Variants in RUNDC3B observed in about 807,000 individuals in gnomAD.
RUNDC3B encodes RUN domain containing 3B.
A neutral mutation model predicts 58.4 loss-of-function variants in RUNDC3B; 33 were observed. The observed-to-expected ratio is 0.56, with a 90% CI of 0.43 to 0.75. The LOEUF (loss-of-function observed/expected upper bound fraction) is 0.75, where lower values mean the gene tolerates loss of function less well. RUNDC3B is among the 30% of genes least tolerant of loss of function. The pLI is 0.00. For synonymous variants in RUNDC3B, 193 were observed against 195.2 expected, an observed-to-expected ratio of 0.99 and a Z score of 0.10; for missense variants, 501 against 535.7, an observed-to-expected ratio of 0.94 and a Z score of 0.64.
chr7:87,710,192 T>C (rs1829944465), intron 3 of RUNDC3B, among the ~76,000 whole-genome samples: 1 of 152,166 alleles, frequency 6.6e-6, no homozygotes, highest in African/African-American at 2.4e-5. Context: ...GAGAACTCTG[T>C]TTTTCATGAT....
rs551631238 is a variant in RUNDC3B at position 87,795,723 on chromosome 7, C to CAAAA, written c.957-11636_957-11633dup. ...GGAAACCCCGTCTCTACTAAAAATA[C>CAAAA]AAAAAAAAAAAAAAAAATAGCCAGG... is the stretch of plus-strand genomic sequence containing the variant. On this transcript the variant is annotated intron_variant, in intron 8 of 10. Transcript: ENST00000394654. 2.9e-3 allele frequency among the ~76,000 whole-genome samples: 332 copies of CAAAA among 113,352 alleles called. 2 individuals carry two copies. Among genetic ancestry groups the CAAAA allele is most frequent in the African/African-American group, 8.9e-3 (278 of 31,380 alleles). 74.4% of individuals were successfully genotyped at this position (113,352 alleles called of 152,430 possible).
chr7:87,709,569 T>A, intron 3 of RUNDC3B: 1 of 956,154 alleles, frequency 1.0e-6, no homozygotes, highest in Non-Finnish European at 1.2e-6. Context: ...CCAGTAGTAC[T>A]GCTGCTTCTA....
At chr7:87,819,919 C>T (rs895640835) in intron 10 of RUNDC3B, among the ~76,000 whole-genome samples, 1 of 151,632 alleles carries the variant, frequency 6.6e-6, no homozygotes, top group Admixed American at 6.6e-5. Context: ...GCACTAAATG[C>T]CCACAAGAGA....
chr7:87,761,104 C>T (rs921388285), intron 6 of RUNDC3B, among the ~76,000 whole-genome samples: 2 of 151,822 alleles, frequency 1.3e-5, no homozygotes, highest in African/African-American at 4.8e-5. Flanking sequence ...ATTTAGAATA[C>T]ATAAAGAACT....
intron 2 of RUNDC3B, among the ~76,000 whole-genome samples, chr7:87,652,600 C>G (rs1823681802): frequency 7.5e-6 from 1 of 133,028 alleles, no homozygotes; most frequent in East Asian, 2.2e-4. Flanking sequence ...AAATTTCTGT[C>G]AGTTGACTCT....
chr7:87,815,926 C>G (rs1354593984), intron 9 of RUNDC3B, among the ~76,000 whole-genome samples: 1 of 151,232 alleles, frequency 6.6e-6, no homozygotes, highest in African/African-American at 2.4e-5. Context: ...TTTTTTTTTC[C>G]TGTTTTCCAA....
intron 1 of RUNDC3B, among the ~76,000 whole-genome samples, chr7:87,630,572 A>G (rs1483196584): frequency 6.6e-6 from 1 of 152,188 alleles, no homozygotes; most frequent in African/African-American, 2.4e-5. Flanking sequence ...TGCTTTAAAA[A>G]TAAGGGTAGT....
chr7:87,768,657 G>T (rs1048628504), intron 6 of RUNDC3B, among the ~76,000 whole-genome samples: 3 of 152,194 alleles, frequency 2.0e-5, no homozygotes, highest in African/African-American at 7.2e-5. Flanking sequence ...TTGGTGAGGG[G>T]TGCAAAGAAA....
intron 6 of RUNDC3B, among the ~76,000 whole-genome samples, chr7:87,742,356 C>T (rs1400419167): frequency 6.6e-6 from 1 of 152,114 alleles, no homozygotes; most frequent in Non-Finnish European, 1.5e-5. Flanking sequence ...CCCTCACCCC[C>T]TCCCACTCTT....
rs376905411 is a variant in RUNDC3B at position 87,628,949 on chromosome 7, C to G, written c.122+4C>G. 1 of 1,309,254 alleles carries G rather than the reference C, an allele frequency of 7.6e-7. No individual in the cohort carries two copies. The highest frequency in any genetic ancestry group is 9.8e-7 in the Non-Finnish European group (1 of 1,020,282). The allele number at this position is 1,309,254 out of a possible 1,614,324, so 81.1% of individuals were successfully genotyped here. On this transcript the variant is annotated splice_donor_region_variant and intron_variant, in intron 1 of 10. Coordinates refer to ENST00000394654, the MANE Select transcript of RUNDC3B (RefSeq NM_001134405.2). ...GGAACCTGATCACCGTGTGCAGGTA[C>G]GGCAGCGCAGGGCGAGGGGAACCAG... is the stretch of plus-strand genomic sequence containing the variant.
At chr7:87,724,500 T>G (rs2130781180) in intron 4 of RUNDC3B, among the ~76,000 whole-genome samples, 1 of 152,274 alleles carries the variant, frequency 6.6e-6, no homozygotes, top group South Asian at 2.1e-4. Context: ...AACCAGAATT[T>G]TCAAGATAAA....
chr7:87,749,835 A>G (rs1045485272), intron 6 of RUNDC3B, among the ~76,000 whole-genome samples: 3 of 151,928 alleles, frequency 2.0e-5, no homozygotes, highest in East Asian at 1.9e-4. Context: ...AGCTTTTTCT[A>G]TGCATAGATA....
At chr7:87,635,544 G>A (rs191061529) in intron 1 of RUNDC3B, among the ~76,000 whole-genome samples, 3 of 152,178 alleles carry the variant, frequency 2.0e-5, no homozygotes, top group East Asian at 1.9e-4. Flanking sequence ...CAACCACTAC[G>A]AGATATGTAG....
chr7:87,662,653 T>C (rs992998212), intron 2 of RUNDC3B, among the ~76,000 whole-genome samples: 1 of 152,166 alleles, frequency 6.6e-6, no homozygotes, highest in African/African-American at 2.4e-5. Flanking sequence ...TTGATTACAA[T>C]AGCCCTGTAG....
At chr7:87,747,880 G>A (rs922357885) in intron 6 of RUNDC3B, among the ~76,000 whole-genome samples, 1 of 152,166 alleles carries the variant, frequency 6.6e-6, no homozygotes, top group Admixed American at 6.5e-5. Flanking sequence ...GGTGAGACAG[G>A]CTTGAAAACC....
At chr7:87,672,545 T>C (rs971795811) in intron 2 of RUNDC3B, among the ~76,000 whole-genome samples, 3 of 152,204 alleles carry the variant, frequency 2.0e-5, no homozygotes, top group Non-Finnish European at 4.4e-5. Context: ...CCAAGGGGTA[T>C]GTACAGGGGT....
intron 2 of RUNDC3B, among the ~76,000 whole-genome samples, chr7:87,688,223 A>T (rs561557119): frequency 1.4e-3 from 214 of 152,254 alleles, no homozygotes; most frequent in Admixed American, 2.4e-3. Context: ...ATCCGGGGTT[A>T]TGTATACCTT....
At chr7:87,725,247 C>T (rs1831149882) in intron 4 of RUNDC3B, among the ~76,000 whole-genome samples, 1 of 152,178 alleles carries the variant, frequency 6.6e-6, no homozygotes, top group Non-Finnish European at 1.5e-5. Flanking sequence ...CCACTCCCCG[C>T]ACCCCACAAC....
At position 87,673,499 on chromosome 7, in the gene RUNDC3B, G is replaced by A. The variant is rs148789565; in HGVS notation, c.238+22562G>A. On this transcript the variant is annotated intron_variant, in intron 2 of 10. Coordinates refer to ENST00000394654, the MANE Select transcript of RUNDC3B (RefSeq NM_001134405.2). ...TTGAGATTCTTTCCTCAGTTTGGTC[G>A]AATCTGCTATTAATACTTGTGATTA... Among the ~76,000 whole-genome samples, 458 of 152,212 alleles carry A rather than the reference G, an allele frequency of 3.0e-3. 2 individuals are homozygous for A. Among genetic ancestry groups the A allele is most frequent in the African/African-American group, 0.011 (439 of 41,516 alleles).
Sources: gnomAD v4.1 joint callset for allele counts (sites outside exome capture counted in the v4.1 genomes callset) on GRCh38, gnomAD v4.1.1 for gene constraint, MANE v1.5 for transcripts, NCBI Gene and HGNC (gene_info 2026-07-23, HGNC 2026-07-21) for gene names.